ZSCAN25: variants seen among roughly 807,000 people sequenced by gnomAD.
The protein encoded by ZSCAN25 is zinc finger and SCAN domain containing 25, also known as zinc finger and SCAN domain-containing protein 25.
Under a neutral mutation model 38.7 loss-of-function variants are expected in ZSCAN25, and 27 were observed. That is an observed-to-expected ratio of 0.70 (90% CI 0.51 to 0.96). The LOEUF (loss-of-function observed/expected upper bound fraction) is 0.96, where lower values mean the gene tolerates loss of function less well. ZSCAN25 is among the 40% of genes least tolerant of loss of function. The pLI is 0.00. For missense variants in ZSCAN25, 637 were observed against 705.9 expected, an observed-to-expected ratio of 0.90 and a Z score of 1.11; for synonymous variants, 273 against 277.7, an observed-to-expected ratio of 0.98 and a Z score of 0.17.
At chr7:99,720,414 T>A in the ZSCAN25 span, 1 of 1,613,512 alleles carries the variant, frequency 6.2e-7, no homozygotes, top group Non-Finnish European at 8.5e-7. Flanking sequence ...TCATAAATAC[T>A]GTGTGGAGAA....
chr7:99,736,056 A>G, the ZSCAN25 span, among the ~76,000 whole-genome samples: 1 of 152,238 alleles, frequency 6.6e-6, no homozygotes, highest in African/African-American at 2.4e-5. Context: ...GAGACATGGC[A>G]TGGATGAGAT....
In ZSCAN25 at chr7:99,632,156, C is replaced by T. The variant is rs926343789; in HGVS notation, c.*2136C>T. On this transcript the variant is annotated 3_prime_UTR_variant, in exon 8 of 8. Coordinates refer to ENST00000394152, the MANE Select transcript of ZSCAN25 (RefSeq NM_145115.3). ...AGCTGGGCCTTGCTGACTTTCCTAT[C>T]TGGCCTCTTCCCTATCTCCTGTGGG... 9.1e-6 allele frequency: 9 copies of T among 985,330 alleles called. No homozygotes were observed. In the East Asian group the frequency reaches 3.4e-4, roughly 37 times the overall value. 61.0% of individuals were successfully genotyped at this position (985,330 alleles called of 1,614,324 possible). A position where few individuals can be genotyped will look rare whatever the true frequency, so the allele number is the denominator to read the frequency against.
At chr7:99,651,999 T>C in the ZSCAN25 span, among the ~76,000 whole-genome samples, 1 of 152,082 alleles carries the variant, frequency 6.6e-6, no homozygotes, top group African/African-American at 2.4e-5. Context: ...ACAGAGGAAA[T>C]AGCAAGTAAC....
intron 4 of ZSCAN25, chr7:99,620,223 G>C (rs1286609450): frequency 1.7e-6 from 1 of 597,714 alleles, no homozygotes; most frequent in South Asian, 2.4e-5. Flanking sequence ...TTGGTCATGA[G>C]GGCAGAGGCC....
At chr7:99,683,115 T>A in the ZSCAN25 span, among the ~76,000 whole-genome samples, 1 of 152,226 alleles carries the variant, frequency 6.6e-6, no homozygotes, top group Non-Finnish European at 1.5e-5. Context: ...TGGAAATCAT[T>A]TGAACATCTT....
At chr7:99,621,811 C>G (rs1433154817) in intron 5 of ZSCAN25, 3 of 370,502 alleles carry the variant, frequency 8.1e-6, no homozygotes, top group Non-Finnish European at 1.4e-5. Context: ...TTTCTCTTTT[C>G]TTTCCCTCAG....
At chr7:99,686,156 G>T in the ZSCAN25 span, among the ~76,000 whole-genome samples, 1 of 152,320 alleles carries the variant, frequency 6.6e-6, no homozygotes, top group African/African-American at 2.4e-5. Flanking sequence ...CAGACAGTGG[G>T]TGCAGGACAG....
chr7:99,712,399 G>T, the ZSCAN25 span, among the ~76,000 whole-genome samples: 4 of 152,138 alleles, frequency 2.6e-5, no homozygotes, highest in African/African-American at 9.7e-5. Flanking sequence ...TGTCCAATGT[G>T]GTAGCCACTA....
At chr7:99,641,600 A>C in the ZSCAN25 span, among the ~76,000 whole-genome samples, 20 of 152,214 alleles carry the variant, frequency 1.3e-4, 1 homozygote, top group Admixed American at 7.2e-4. Context: ...GGCATCTCAA[A>C]CTTACCACCA....
At chr7:99,694,351 C>G in the ZSCAN25 span, among the ~76,000 whole-genome samples, 1 of 152,170 alleles carries the variant, frequency 6.6e-6, no homozygotes, top group Non-Finnish European at 1.5e-5. Flanking sequence ...AAGTCTGAGG[C>G]ATGTTGTTGA....
At chr7:99,625,323 C>A (rs1807376922) in intron 7 of ZSCAN25, among the ~76,000 whole-genome samples, 1 of 152,184 alleles carries the variant, frequency 6.6e-6, no homozygotes, top group Admixed American at 6.5e-5. Flanking sequence ...GAGCCCTCAG[C>A]CTTCACTCAT....
the ZSCAN25 span, among the ~76,000 whole-genome samples, chr7:99,682,250 A>T: frequency 1.3e-5 from 2 of 152,224 alleles, no homozygotes; most frequent in Non-Finnish European, 2.9e-5. Flanking sequence ...GATTACAGGC[A>T]TGAGCCACGG....
chr7:99,626,364 G>T (rs1192924309), intron 7 of ZSCAN25, among the ~76,000 whole-genome samples: 1 of 152,166 alleles, frequency 6.6e-6, no homozygotes, highest in Admixed American at 6.5e-5. Flanking sequence ...TTTTTTCTGC[G>T]CAGAGTAATG....
At chr7:99,733,945 A>C in the ZSCAN25 span, among the ~76,000 whole-genome samples, 1 of 152,244 alleles carries the variant, frequency 6.6e-6, no homozygotes, top group African/African-American at 2.4e-5. Context: ...ATATTTGTAC[A>C]TTAGACTCAT....
intron 7 of ZSCAN25, 127 bp downstream of exon 7, chr7:99,624,307 A>G: frequency 8.5e-7 from 1 of 1,175,156 alleles, no homozygotes; most frequent in Admixed American, 2.1e-5. Flanking sequence ...AAATGGGTCC[A>G]GCACGGACCA....
the ZSCAN25 span, among the ~76,000 whole-genome samples, chr7:99,733,871 T>G: frequency 6.6e-6 from 1 of 152,158 alleles, no homozygotes; most frequent in Non-Finnish European, 1.5e-5. Context: ...GAAATGGGGG[T>G]ATTAAAATAA....
chr7:99,720,225 T>A, the ZSCAN25 span: 1 of 1,524,616 alleles, frequency 6.6e-7, no homozygotes, highest in African/African-American at 1.4e-5. Flanking sequence ...GCACAGTTTT[T>A]AGGCAACTGT....
the ZSCAN25 span, among the ~76,000 whole-genome samples, chr7:99,736,262 A>G: frequency 1.5e-4 from 23 of 152,316 alleles, no homozygotes; most frequent in Middle Eastern, 3.4e-3. Flanking sequence ...AGGTTGACCC[A>G]AACCACCTCA....
At chr7:99,722,269 T>G in the ZSCAN25 span, 1 of 1,613,352 alleles carries the variant, frequency 6.2e-7, no homozygotes. Flanking sequence ...AACAAGTCTA[T>G]CCAATGGAAT....
Sources: allele counts gnomAD v4.1 joint callset (sites outside exome capture counted in the v4.1 genomes callset), GRCh38; gene constraint gnomAD v4.1.1; transcripts MANE v1.5; gene names NCBI Gene and HGNC (gene_info 2026-07-23, HGNC 2026-07-21).